The following ADAM12 variants were observed in gnomAD, a reference collection of about 807,000 sequenced individuals.
ADAM12 encodes the protein disintegrin and metalloproteinase domain-containing protein 12.
ADAM12 carries 70 observed loss-of-function variants against 106.4 expected under a neutral mutation model. The observed-to-expected ratio is 0.66, with a 90% CI of 0.54 to 0.80. ADAM12 has a LOEUF of 0.80. Ranked by LOEUF, ADAM12 falls within the 30% of genes least tolerant of loss-of-function variation. The probability of loss-of-function intolerance (pLI) is 0.00; values close to 1 mark genes in which losing one functional copy is unlikely to be tolerated. For synonymous variants in ADAM12, 420 were observed against 433.5 expected, an observed-to-expected ratio of 0.97 and a Z score of 0.39; for missense variants, 1,010 against 1,171.9, an observed-to-expected ratio of 0.86 and a Z score of 2.02.
chr10:126,100,106 C>T (rs1368974886), intron 9 of ADAM12, among the ~76,000 whole-genome samples: 1 of 152,058 alleles, frequency 6.6e-6, no homozygotes, highest in Non-Finnish European at 1.5e-5. Context: ...ATTGTTGTCT[C>T]TCAGTAGAGT....
intron 17 of ADAM12, among the ~76,000 whole-genome samples, chr10:126,045,206 C>T (rs1199550127): frequency 6.6e-6 from 1 of 152,184 alleles, no homozygotes; most frequent in Non-Finnish European, 1.5e-5. Flanking sequence ...TGGACTTGAT[C>T]ATCTCTTAAC....
chr10:126,222,267 A>T (rs1450139631), intron 3 of ADAM12, among the ~76,000 whole-genome samples: 8 of 150,936 alleles, frequency 5.3e-5, no homozygotes, highest in Non-Finnish European at 8.9e-5. Flanking sequence ...TTATTTCTAT[A>T]AAAAAAAAGC....
At chr10:126,031,732 T>C (rs551663537) in intron 21 of ADAM12, among the ~76,000 whole-genome samples, 2 of 152,356 alleles carry the variant, frequency 1.3e-5, no homozygotes, top group South Asian at 2.1e-4. Flanking sequence ...ATATGTTGCA[T>C]ATAATACAGA....
intron 5 of ADAM12, among the ~76,000 whole-genome samples, chr10:126,124,105 C>T (rs889806911): frequency 5.3e-5 from 8 of 152,064 alleles, no homozygotes; most frequent in Admixed American, 1.3e-4. Flanking sequence ...TGACTGCACC[C>T]GGCAAGCAGG....
At chr10:126,135,877 T>C (rs534044288) in intron 4 of ADAM12, among the ~76,000 whole-genome samples, 8 of 152,342 alleles carry the variant, frequency 5.3e-5, no homozygotes, top group African/African-American at 1.9e-4. Flanking sequence ...GGTTTTTAAA[T>C]GAACCCTAGT....
At chr10:126,221,510 G>C (rs954969323) in intron 3 of ADAM12, among the ~76,000 whole-genome samples, 26 of 152,230 alleles carry the variant, frequency 1.7e-4, no homozygotes, top group African/African-American at 6.0e-4. Context: ...ATTATTCTCA[G>C]GTTATTGACT....
At position 126,055,814 on chromosome 10, in the gene ADAM12, C is replaced by T. The variant is rs570886074; in HGVS notation, c.1610-6145G>A. On this transcript the variant is annotated intron_variant, in intron 14 of 22. Coordinates refer to ENST00000448723, the MANE Select transcript of ADAM12 (RefSeq NM_001288973.2). ...CAAAAAATCTCCTGACAGGTGAGGACGACAGCTGCCTCATGCTCATGTCTC... is the reference window on the plus strand; with the variant it reads ...CAAAAAATCTCCTGACAGGTGAGGATGACAGCTGCCTCATGCTCATGTCTC... Among the ~76,000 whole-genome samples, 14 of 152,326 alleles carry T rather than the reference C, an allele frequency of 9.2e-5. No homozygotes were observed. The South Asian group carries it at 1.0e-3, about 11-fold the overall frequency.
At chr10:126,304,470 TG>T (rs1960757897) in intron 2 of ADAM12, among the ~76,000 whole-genome samples, 1 of 152,028 alleles carries the variant, frequency 6.6e-6, no homozygotes, top group African/African-American at 2.4e-5. Context: ...AAGGCAGAGA[TG>T]GTCACAGGCA....
chr10:126,122,280 G>T (rs1461444260), intron 5 of ADAM12, among the ~76,000 whole-genome samples: 1 of 152,126 alleles, frequency 6.6e-6, no homozygotes, highest in African/African-American at 2.4e-5. Flanking sequence ...CCCCACACTG[G>T]TGTCCACGTA....
At chr10:126,374,802 A>G (rs2133925269) in intron 1 of ADAM12, among the ~76,000 whole-genome samples, 1 of 152,336 alleles carries the variant, frequency 6.6e-6, no homozygotes, top group African/African-American at 2.4e-5. Flanking sequence ...GATGCTTGCT[A>G]CATTTTTTTA....
intron 1 of ADAM12, among the ~76,000 whole-genome samples, chr10:126,348,038 G>A (rs1161586970): frequency 1.3e-5 from 2 of 152,186 alleles, no homozygotes; most frequent in Non-Finnish European, 2.9e-5. Flanking sequence ...TTGGAGTACA[G>A]GGTGCTTAAC....
At chr10:126,109,674 T>C (rs1371309458) in intron 7 of ADAM12, 101 bp downstream of exon 7, 1 of 997,286 alleles carries the variant, frequency 1.0e-6, no homozygotes, top group East Asian at 2.4e-5. Flanking sequence ...TAAGAGCACA[T>C]AGGAAATGAG....
chr10:126,222,083 TAC>T (rs1391494208), intron 3 of ADAM12, among the ~76,000 whole-genome samples: 1 of 152,186 alleles, frequency 6.6e-6, no homozygotes, highest in Non-Finnish European at 1.5e-5. Context: ...TGATGCTACC[TAC>T]ACGTCACACG....
intron 9 of ADAM12, among the ~76,000 whole-genome samples, chr10:126,099,494 AT>A (rs1405573745): frequency 6.6e-6 from 1 of 151,868 alleles, no homozygotes; most frequent in Non-Finnish European, 1.5e-5. Flanking sequence ...AACAGATATA[AT>A]TATACATGTA....
intron 11 of ADAM12, 62 bp downstream of exon 11, chr10:126,093,923 G>A: frequency 7.5e-6 from 12 of 1,592,968 alleles, no homozygotes; most frequent in Non-Finnish European, 1.0e-5. Context: ...GACTCATCTG[G>A]TTCCCAACAC....
chr10:126,036,025 T>G (rs1954053482), intron 21 of ADAM12, 121 bp downstream of exon 21: 1 of 882,724 alleles, frequency 1.1e-6, no homozygotes. Context: ...TCTGAGTAGC[T>G]GAATTATCTC....
intron 4 of ADAM12, among the ~76,000 whole-genome samples, chr10:126,136,066 G>A (rs1024504574): frequency 3.3e-5 from 5 of 151,540 alleles, no homozygotes; most frequent in African/African-American, 1.2e-4. Context: ...AATAAAACAA[G>A]GCCTAAATCT....
intron 1 of ADAM12, among the ~76,000 whole-genome samples, chr10:126,352,993 C>T (rs562437894): frequency 6.6e-6 from 1 of 152,302 alleles, no homozygotes; most frequent in South Asian, 2.1e-4. Context: ...ACAAAGGCTG[C>T]TCTTGCTGTG....
intron 1 of ADAM12, among the ~76,000 whole-genome samples, chr10:126,337,377 T>G (rs796611216): frequency 1.3e-5 from 2 of 152,334 alleles, no homozygotes; most frequent in East Asian, 1.9e-4. Context: ...TTCCTCTTCC[T>G]GCTTTGAAGT....
Sources: allele counts gnomAD v4.1 joint callset (sites outside exome capture counted in the v4.1 genomes callset), GRCh38; gene constraint gnomAD v4.1.1; transcripts MANE v1.5; gene names NCBI Gene and HGNC (gene_info 2026-07-23, HGNC 2026-07-21).